Variants in CCDC9B observed in about 807,000 individuals in gnomAD.
The protein encoded by CCDC9B is coiled-coil domain-containing protein 9B.
In CCDC9B, 40 loss-of-function variants were observed where a neutral mutation model predicts 47.2. The ratio of observed to expected loss-of-function variants is 0.85; its 90% CI spans 0.66 to 1.10. The LOEUF (loss-of-function observed/expected upper bound fraction) is 1.10, where lower values mean the gene tolerates loss of function less well. Ranked by LOEUF, CCDC9B falls within the 50% of genes least tolerant of loss-of-function variation. CCDC9B has a pLI of 0.00. For missense variants in CCDC9B, 662 were observed against 651.0 expected (o/e 1.02, Z -0.18); for synonymous variants, 238 against 250.7 (o/e 0.95, Z 0.48).
chr15:40,339,300 G>T, intron 3 of CCDC9B: 1 of 596,374 alleles, frequency 1.7e-6, no homozygotes. Flanking sequence ...GACTGGAAAA[G>T]GGTATGAAGA....
Position 40,332,004 on chromosome 15 carries a change from C to T in CCDC9B, c.*3154G>A, listed in dbSNP as rs1161389196. ...AGCCAGCATCTCCCTACCAGCTCCT[C>T]CCTCCTCCTGTGTGCCCTCCTTTTT... On this transcript the variant is annotated 3_prime_UTR_variant, in exon 11 of 11. Coordinates refer to ENST00000397536, the MANE Select transcript of CCDC9B (RefSeq NM_207380.3). The T allele has an allele frequency of 4.6e-5, 7 of 152,364 alleles. No individual in the cohort carries two copies. Among genetic ancestry groups the T allele is most frequent in the Non-Finnish European group, 1.5e-5 (1 of 68,138 alleles). The allele number at this position is 152,364 out of a possible 1,614,324, so 9.4% of individuals were successfully genotyped here. A position where few individuals can be genotyped will look rare whatever the true frequency, so the allele number is the denominator to read the frequency against.
chr15:40,337,220 G>A (rs1888981151), intron 7 of CCDC9B, 168 bp downstream of exon 7: 7 of 746,394 alleles, frequency 9.4e-6, no homozygotes, highest in South Asian at 1.5e-5. Flanking sequence ...GGGAGGATGG[G>A]AGGTCTTGGT....
chr15:40,337,964 A>AGGCG lies in CCDC9B; in HGVS notation c.514-75_514-72dup, dbSNP rs560961727. On this transcript the variant is annotated intron_variant, in intron 5 of 10. Transcript: ENST00000397536. The stretch of plus-strand genomic sequence containing the variant: ...GCTTGGGGTGGGGTTTGGAGACTCC[A>AGGCG]GGCGCTTCCTCTCTCAAGGTTTCCA... 4.1e-3 allele frequency: 5,962 copies of AGGCG among 1,444,526 alleles called. 47 individuals carry two copies. The highest frequency in any genetic ancestry group is 0.022 in the South Asian group (1,817 of 81,340). The allele number at this position is 1,444,526 out of a possible 1,614,324, so 89.5% of individuals were successfully genotyped here.
Position 40,337,955 on chromosome 15 carries a change from G to A in CCDC9B, c.514-62C>T. 3 of 1,486,202 alleles carry A rather than the reference G, an allele frequency of 2.0e-6. No homozygotes were observed. The South Asian group carries it at 3.7e-5, about 18-fold the overall frequency. The allele number at this position is 1,486,202 out of a possible 1,614,324, so 92.1% of individuals were successfully genotyped here. On this transcript the variant is annotated intron_variant, in intron 5 of 10. Coordinates refer to ENST00000397536, the MANE Select transcript of CCDC9B (RefSeq NM_207380.3). The stretch of plus-strand genomic sequence containing the variant: ...CAGGAAGAGGCTTGGGGTGGGGTTT[G>A]GAGACTCCAGGCGCTTCCTCTCTCA...
At chr15:40,337,322 A>G in intron 7 of CCDC9B, 66 bp downstream of exon 7, 1 of 1,387,214 alleles carries the variant, frequency 7.2e-7, no homozygotes, top group Non-Finnish European at 1.0e-6. Context: ...CAGAGAAAAG[A>G]GAGGACAAGG....
chr15:40,337,257 A>G, intron 7 of CCDC9B, 131 bp downstream of exon 7: 1 of 857,718 alleles, frequency 1.2e-6, no homozygotes, highest in Non-Finnish European at 2.0e-6. Flanking sequence ...GAGGGAGAGG[A>G]AGGAAGATGT....
chr15:40,339,813 C>T lies in CCDC9B; in HGVS notation c.123+92G>A, dbSNP rs368850936. 5.0e-5 allele frequency: 69 copies of T among 1,392,222 alleles called. No individual in the cohort carries two copies. The East Asian group carries it at 1.4e-3, about 28-fold the overall frequency. The allele number at this position is 1,392,222 out of a possible 1,614,324, so 86.2% of individuals were successfully genotyped here. ...CTACCCCTGGCCCCAGCCCCAGAGG[C>T]GCATTGCTGAGCCTGCAGGGAGACC... On this transcript the variant is annotated intron_variant, in intron 2 of 10. Coordinates refer to ENST00000397536, the MANE Select transcript of CCDC9B (RefSeq NM_207380.3).
chr15:40,337,253 G>A (rs1324804903), intron 7 of CCDC9B, 135 bp downstream of exon 7: 2 of 834,718 alleles, frequency 2.4e-6, no homozygotes, highest in African/African-American at 3.4e-5. Context: ...TAGTGAGGGA[G>A]AGGAAGGAAG....
rs1566906774 is a variant in CCDC9B at position 40,333,632 on chromosome 15, C to T, written c.*1526G>A. ...CCCCAGACCATTAGAATCTGCATGA[C>T]TCTTCAGTTAAAGTATGAGAGACAC... On this transcript the variant is annotated 3_prime_UTR_variant, in exon 11 of 11. Coordinates refer to ENST00000397536, the MANE Select transcript of CCDC9B (RefSeq NM_207380.3). 1 of 147,290 alleles carries T rather than the reference C, an allele frequency of 6.8e-6. No individual in the cohort carries two copies. The highest frequency in any genetic ancestry group is 1.5e-5 in the Non-Finnish European group (1 of 68,800). The allele number at this position is 147,290 out of a possible 1,614,324, so 9.1% of individuals were successfully genotyped here.
chr15:40,337,014 A>G (rs1888976552), intron 7 of CCDC9B: 1 of 600,198 alleles, frequency 1.7e-6, no homozygotes, highest in East Asian at 2.9e-5. Context: ...TCTGGCCCCA[A>G]CTCTCAGGCC....
In CCDC9B at chr15:40,335,579, C is replaced by A. The variant is rs1273844013; in HGVS notation, c.1052G>T (p.Gly351Val). The change falls in exon 11 of 11, where the codon GGG becomes GTG. Residue 351 changes from glycine to valine, a missense_variant. Physicochemically the swap from Gly to Val is moderately radical, Grantham distance 109. Coordinates refer to ENST00000397536, the MANE Select transcript of CCDC9B (RefSeq NM_207380.3). The part of the protein sequence containing the change: ...AASPALASPE[G>V]PKGESVASTA... ...GGAAGCCACTGACTCCCCCTTCGGC[C>A]CCTCTGGGGATGCCAGGGCTGGGCT... 6 of 1,499,192 alleles carry A rather than the reference C, an allele frequency of 4.0e-6. No individual in the cohort carries two copies. The Admixed American group carries it at 1.4e-4, about 34-fold the overall frequency. 92.9% of individuals were successfully genotyped at this position (1,499,192 alleles called of 1,614,324 possible). A position where few individuals can be genotyped will look rare whatever the true frequency, so the allele number is the denominator to read the frequency against.
rs758512709 is a variant in CCDC9B, at chr15:40,340,893, G to T, written c.-74C>A. The T allele has an allele frequency of 2.5e-6, 4 of 1,607,970 alleles. No individual in the cohort carries two copies. Among genetic ancestry groups the T allele is most frequent in the Non-Finnish European group, 3.4e-6 (4 of 1,178,248 alleles). ...GAGTGGGAGGAAAGCTGGAGCCACC[G>T]GAGCCGGGCCTCTGCCGGCCTCTCC... On this transcript the variant is annotated 5_prime_UTR_variant, in exon 1 of 11. Coordinates refer to ENST00000397536, the MANE Select transcript of CCDC9B (RefSeq NM_207380.3).
chr15:40,340,211 C>T, intron 1 of CCDC9B, 196 bp from the exon 2 acceptor site: 1 of 593,310 alleles, frequency 1.7e-6, no homozygotes, highest in Admixed American at 3.0e-5. Context: ...CTGCCTGTCC[C>T]TGCCTCCTCA....
intron 1 of CCDC9B, chr15:40,340,428 C>T (rs1482908693): frequency 3.1e-6 from 1 of 324,526 alleles, no homozygotes; most frequent in Non-Finnish European, 5.7e-6. Context: ...AGATCCACAA[C>T]CAGAGAAAAA....
Position 40,339,547 on chromosome 15 carries a change from C to A in CCDC9B, c.196G>T (p.Asp66Tyr). 1.9e-6 allele frequency: 3 copies of A among 1,612,786 alleles called. No homozygotes were observed. The highest frequency in any genetic ancestry group is 2.5e-6 in the Non-Finnish European group (3 of 1,178,906). Residue 66 changes from aspartate (D) to tyrosine (Y), a missense_variant, in exon 3 of 11, where the codon GAT becomes TAT. By Grantham distance (160) the Asp-to-Tyr change is radical. Coordinates refer to ENST00000397536, the MANE Select transcript of CCDC9B (RefSeq NM_207380.3). ...AVTTPALLQP[D>Y]GLTVTISQVP... ...TGGCTGATGGTAACGGTGAGGCCAT[C>A]AGGCTGGAGGAGTGCTGGTGTGGTC...
intron 3 of CCDC9B, chr15:40,339,137 C>T (rs1230152571): frequency 1.6e-6 from 1 of 616,286 alleles, no homozygotes; most frequent in Non-Finnish European, 2.9e-6. Context: ...GCTGGGAAAC[C>T]CAGAGCACTC....
rs1889066486 is a variant in CCDC9B at position 40,340,445 on chromosome 15, G to A, written c.12+363C>T. ...ATCCACAACCAGAGAAAAAGGAGAG[G>A]CCCTGGCTCCGTCCTGGGCTCTCAG... On this transcript the variant is annotated intron_variant, in intron 1 of 10. Coordinates refer to ENST00000397536, the MANE Select transcript of CCDC9B (RefSeq NM_207380.3). 8.9e-6 allele frequency: 3 copies of A among 338,456 alleles called. No individual in the cohort carries two copies. In the Admixed American group the frequency reaches 1.3e-4, roughly 15 times the overall value. 21.0% of individuals were successfully genotyped at this position (338,456 alleles called of 1,614,324 possible).
chr15:40,336,856 G>A, intron 7 of CCDC9B, 43 bp from the exon 8 acceptor site: 1 of 1,555,228 alleles, frequency 6.4e-7, no homozygotes, highest in Non-Finnish European at 8.7e-7. Flanking sequence ...GGTGACAAAG[G>A]ATCCAAAACA....
rs757053969 is a variant in CCDC9B at position 40,338,774 on chromosome 15, C to T, written c.361G>A (p.Ala121Thr). The T allele has an allele frequency of 3.1e-6, 5 of 1,613,596 alleles. No individual in the cohort carries two copies. The highest frequency in any genetic ancestry group is 2.2e-5 in the South Asian group (2 of 91,042). The change falls in exon 4 of 11, where the codon GCT (alanine) becomes ACT (threonine). Residue 121 changes from alanine (A) to threonine (T), a missense_variant. Physicochemically the swap from Ala to Thr is moderately conservative, Grantham distance 58 (BLOSUM62 0). Coordinates refer to ENST00000397536, the MANE Select transcript of CCDC9B (RefSeq NM_207380.3). The part of the protein sequence containing the change: ...TFCLGELVEL[A>T]VTMENKAEGK... Reference sequence around the variant, plus strand: ...TCTGCTTTGTTCTCCATGGTCACAGCCAGCTCCACCAGCTCCCCTAAGCAG... The same window carrying T: ...TCTGCTTTGTTCTCCATGGTCACAGTCAGCTCCACCAGCTCCCCTAAGCAG...
Sources: allele counts gnomAD v4.1 joint callset, GRCh38; gene constraint gnomAD v4.1.1; transcripts MANE v1.5; gene names NCBI Gene and HGNC (gene_info 2026-07-23, HGNC 2026-07-21).